GRID1: variants seen among roughly 807,000 people sequenced by gnomAD.
The protein encoded by GRID1 is glutamate receptor ionotropic, delta-1.
In GRID1, 28 loss-of-function variants were observed where a neutral mutation model predicts 98.0. The ratio of observed to expected loss-of-function variants is 0.29; its 90% confidence interval spans 0.21 to 0.39. The LOEUF (loss-of-function observed/expected upper bound fraction) is 0.39. GRID1 is among the 10% of genes least tolerant of loss of function. GRID1 has a pLI of 1.00. For synonymous variants in GRID1, 553 were observed against 538.5 expected (o/e 1.03, Z -0.37); for missense variants, 1,111 against 1,340.5 (o/e 0.83, Z 2.67).
At chr10:86,130,935 G>A (rs373184243) in intron 4 of GRID1, among the ~76,000 whole-genome samples, 4 of 152,098 alleles carry the variant, frequency 2.6e-5, no homozygotes, top group Admixed American at 6.5e-5. Flanking sequence ...GCCCGTCTGC[G>A]TGCCCCCCAT....
In GRID1 at chr10:85,677,314, C is replaced by T. The variant is rs370108978; in HGVS notation, c.1998-29917G>A. Among the ~76,000 whole-genome samples the T allele has an allele frequency of 3.1e-4, 47 of 152,292 alleles. No individual in the cohort carries two copies. In the South Asian group the frequency reaches 6.2e-3, roughly 20 times the overall value. On this transcript the variant is annotated intron_variant, in intron 12 of 15. Transcript: ENST00000327946. ...ATGCACACCCAGCCAGCATGCCTGG[C>T]ACACAGTGGCCAGCAAGCAGTGGGA...
chr10:85,658,345 T>C (rs1369048369), intron 12 of GRID1, among the ~76,000 whole-genome samples: 1 of 152,212 alleles, frequency 6.6e-6, no homozygotes, highest in Non-Finnish European at 1.5e-5. Context: ...TGCTAACACT[T>C]GCTTTATACT....
intron 3 of GRID1, among the ~76,000 whole-genome samples, chr10:86,205,593 G>A (rs1437989281): frequency 1.3e-5 from 2 of 152,166 alleles, no homozygotes; most frequent in African/African-American, 4.8e-5. Context: ...TGGGTGAAGG[G>A]CACGCTGGAT....
chr10:85,709,094 G>T, intron 12 of GRID1: 1 of 336,906 alleles, frequency 3.0e-6, no homozygotes, highest in Non-Finnish European at 6.0e-6. Context: ...CCCTGTTAAG[G>T]GAATGACCCT....
intron 4 of GRID1, among the ~76,000 whole-genome samples, chr10:86,024,126 C>G (rs1321333343): frequency 1.3e-5 from 2 of 152,170 alleles, no homozygotes; most frequent in Non-Finnish European, 2.9e-5. Flanking sequence ...GCCCCATGAG[C>G]CATGACCAGG....
At chr10:85,776,209 A>G (rs998225380) in intron 8 of GRID1, among the ~76,000 whole-genome samples, 1 of 152,164 alleles carries the variant, frequency 6.6e-6, no homozygotes, top group Admixed American at 6.5e-5. Flanking sequence ...AGAGAAGACT[A>G]CAAAGATAAG....
At chr10:86,322,937 C>CA (rs569913560) in intron 2 of GRID1, among the ~76,000 whole-genome samples, 3,212 of 135,354 alleles carry the variant, frequency 0.024, 81 homozygotes, top group African/African-American at 0.065. Flanking sequence ...ACTAAAAATA[C>CA]AAAAAAAAAA....
chr10:85,922,726 G>A (rs916452894), intron 4 of GRID1, among the ~76,000 whole-genome samples: 12 of 152,234 alleles, frequency 7.9e-5, no homozygotes, highest in African/African-American at 2.9e-4. Flanking sequence ...CAAGGAAGGG[G>A]TGTAGCTAGC....
chr10:85,624,131 C>T (rs1035960521), intron 13 of GRID1, among the ~76,000 whole-genome samples: 3 of 152,182 alleles, frequency 2.0e-5, no homozygotes, highest in Non-Finnish European at 1.5e-5. Context: ...TGAGAACAGG[C>T]ATGATAGGTG....
At chr10:86,122,947 G>A (rs1844700285) in intron 4 of GRID1, among the ~76,000 whole-genome samples, 1 of 152,214 alleles carries the variant, frequency 6.6e-6, no homozygotes, top group African/African-American at 2.4e-5. Context: ...CTCAAGTCCA[G>A]AGTCCAGGGA....
chr10:85,653,452 C>A (rs1405536773), intron 12 of GRID1, among the ~76,000 whole-genome samples: 1 of 152,136 alleles, frequency 6.6e-6, no homozygotes, highest in Non-Finnish European at 1.5e-5. Context: ...GGCTGTCCTG[C>A]CAAGGAGCTG....
intron 15 of GRID1, among the ~76,000 whole-genome samples, chr10:85,608,507 G>T (rs1842697511): frequency 6.6e-6 from 1 of 152,196 alleles, no homozygotes; most frequent in Admixed American, 6.5e-5. Flanking sequence ...AAACGTGTTT[G>T]AGCTCCTACT....
At chr10:86,293,122 G>A (rs890806039) in intron 2 of GRID1, among the ~76,000 whole-genome samples, 3 of 152,188 alleles carry the variant, frequency 2.0e-5, no homozygotes, top group Non-Finnish European at 4.4e-5. Flanking sequence ...CCCAACCCAT[G>A]TGCCATTGCA....
intron 4 of GRID1, among the ~76,000 whole-genome samples, chr10:86,117,873 A>C (rs935085901): frequency 3.3e-5 from 5 of 152,210 alleles, no homozygotes; most frequent in African/African-American, 1.2e-4. Flanking sequence ...AACTAGTACC[A>C]CCTCTATGGA....
intron 4 of GRID1, among the ~76,000 whole-genome samples, chr10:86,133,635 A>C (rs898454371): frequency 6.6e-6 from 1 of 152,266 alleles, no homozygotes; most frequent in Non-Finnish European, 1.5e-5. Context: ...CACACACACA[A>C]AAACAGCTGA....
At chr10:85,615,587 C>A (rs1340875889) in intron 14 of GRID1, among the ~76,000 whole-genome samples, 1 of 152,212 alleles carries the variant, frequency 6.6e-6, no homozygotes, top group Non-Finnish European at 1.5e-5. Flanking sequence ...TGTGGCTGTG[C>A]ATTCAGTGAC....
At chr10:86,073,412 C>T (rs1165522701) in intron 4 of GRID1, among the ~76,000 whole-genome samples, 1 of 152,316 alleles carries the variant, frequency 6.6e-6, no homozygotes, top group African/African-American at 2.4e-5. Context: ...AGCCATCGCA[C>T]AGAAGCCACT....
chr10:85,650,696 G>C (rs745388188), intron 12 of GRID1, among the ~76,000 whole-genome samples: 1 of 152,188 alleles, frequency 6.6e-6, no homozygotes, highest in African/African-American at 2.4e-5. Flanking sequence ...TCCTAGAAGA[G>C]GGAACATTAA....
At chr10:86,182,292 C>T (rs187169986) in intron 3 of GRID1, among the ~76,000 whole-genome samples, 4 of 152,318 alleles carry the variant, frequency 2.6e-5, no homozygotes, top group Admixed American at 2.6e-4. Context: ...AAGCAGGGGG[C>T]GACTCCGGGC....
Sources: allele counts gnomAD v4.1 joint callset (sites outside exome capture counted in the v4.1 genomes callset), GRCh38; gene constraint gnomAD v4.1.1; transcripts MANE v1.5; gene names NCBI Gene and HGNC (gene_info 2026-07-23, HGNC 2026-07-21).